The following SPAG16 variants were observed in gnomAD, a reference collection of about 807,000 sequenced individuals.
The protein encoded by SPAG16 is sperm-associated antigen 16 protein.
A neutral mutation model predicts 80.4 loss-of-function variants in SPAG16; 86 were observed. The observed-to-expected ratio is 1.07, with a 90% CI of 0.90 to 1.28. The LOEUF (loss-of-function observed/expected upper bound fraction) is 1.28, where lower values mean the gene tolerates loss of function less well. Among genes scored for constraint, SPAG16 ranks in the 50% most tolerant of loss-of-function variants. The probability of loss-of-function intolerance (pLI) is 0.00; values close to 1 mark genes in which losing one functional copy is unlikely to be tolerated. For missense variants in SPAG16, 870 were observed against 765.3 expected, an observed-to-expected ratio of 1.14 and a Z score of -1.61; for synonymous variants, 294 against 265.9, an observed-to-expected ratio of 1.11 and a Z score of -1.03.
chr2:213,442,752 AT>A (rs2071049952), intron 9 of SPAG16, among the ~76,000 whole-genome samples: 1 of 152,228 alleles, frequency 6.6e-6, no homozygotes, highest in African/African-American at 2.4e-5. Context: ...TTATATCTTT[AT>A]AAAAATGAGC....
chr2:213,890,226 T>C (rs1168046364), intron 11 of SPAG16, among the ~76,000 whole-genome samples: 1 of 152,062 alleles, frequency 6.6e-6, no homozygotes, highest in Non-Finnish European at 1.5e-5. Context: ...TTGGTAAATA[T>C]CCAGAGACTG....
At chr2:213,590,447 A>G (rs1284540953) in intron 10 of SPAG16, among the ~76,000 whole-genome samples, 1 of 129,842 alleles carries the variant, frequency 7.7e-6, no homozygotes, top group Non-Finnish European at 1.7e-5. Context: ...AAACAACAAG[A>G]AAAAAAAAAA....
At chr2:214,116,496 G>A (rs369202120) in intron 14 of SPAG16, among the ~76,000 whole-genome samples, 180 of 152,284 alleles carry the variant, frequency 1.2e-3, no homozygotes, top group Non-Finnish European at 1.7e-3. Flanking sequence ...GCACACTCAC[G>A]TGGGCCAGTG....
intron 15 of SPAG16, among the ~76,000 whole-genome samples, chr2:214,169,070 A>G (rs945774418): frequency 5.9e-5 from 9 of 152,110 alleles, no homozygotes; most frequent in African/African-American, 2.2e-4. Context: ...CAGAAACACC[A>G]TCTTTCTTTT....
intron 10 of SPAG16, among the ~76,000 whole-genome samples, chr2:213,557,188 G>A (rs986345466): frequency 6.6e-6 from 1 of 152,040 alleles, no homozygotes; most frequent in Non-Finnish European, 1.5e-5. Flanking sequence ...TCTGAAATCT[G>A]CCAGCTAATG....
chr2:213,990,990 C>T (rs2046250535), intron 12 of SPAG16, among the ~76,000 whole-genome samples: 1 of 152,022 alleles, frequency 6.6e-6, no homozygotes, highest in Non-Finnish European at 1.5e-5. Flanking sequence ...TTCTCCAAAT[C>T]CACTTATTTT....
intron 10 of SPAG16, among the ~76,000 whole-genome samples, chr2:213,582,959 A>G (rs1369670814): frequency 2.0e-5 from 3 of 152,188 alleles, no homozygotes; most frequent in East Asian, 3.8e-4. Flanking sequence ...CACAAATGTA[A>G]AAATGAAAGA....
chr2:214,177,877 T>C (rs1348655267), intron 15 of SPAG16, among the ~76,000 whole-genome samples: 4 of 122,934 alleles, frequency 3.3e-5, no homozygotes, highest in African/African-American at 1.3e-4. Context: ...AATTTTAAGT[T>C]AAAAAAGCAG....
chr2:214,164,002 G>A (rs948145781), intron 15 of SPAG16, among the ~76,000 whole-genome samples: 16 of 152,014 alleles, frequency 1.1e-4, no homozygotes, highest in South Asian at 4.2e-4. Context: ...ACCAAATACC[G>A]GGTACCATAT....
chr2:214,190,238 G>T (rs909967863), intron 15 of SPAG16, among the ~76,000 whole-genome samples: 1 of 150,414 alleles, frequency 6.6e-6, no homozygotes, highest in Admixed American at 6.6e-5. Flanking sequence ...TGGAGTGAAA[G>T]GTAGTTGACT....
intron 10 of SPAG16, among the ~76,000 whole-genome samples, chr2:213,757,177 T>TACAAAC (rs1372746386): frequency 2.0e-5 from 3 of 152,192 alleles, no homozygotes; most frequent in Admixed American, 2.0e-4. Context: ...ACTAAAGACT[T>TACAAAC]GTTCTCTGAA....
intron 9 of SPAG16, among the ~76,000 whole-genome samples, chr2:213,390,868 C>T (rs1001715597): frequency 1.3e-5 from 2 of 152,058 alleles, no homozygotes; most frequent in African/African-American, 4.8e-5. Flanking sequence ...GTTTATACTA[C>T]CAATATAGCT....
chr2:214,260,400 G>A (rs1045969447), intron 15 of SPAG16, among the ~76,000 whole-genome samples: 3 of 151,744 alleles, frequency 2.0e-5, no homozygotes, highest in Admixed American at 2.0e-4. Context: ...CCACCTGGTA[G>A]GAGAAGGTAA....
chr2:213,870,479 A>G (rs1019670752), intron 11 of SPAG16, among the ~76,000 whole-genome samples: 4 of 152,236 alleles, frequency 2.6e-5, no homozygotes, highest in African/African-American at 9.6e-5. Context: ...ACGAAGTGGC[A>G]GAATCTGGTT....
intron 10 of SPAG16, among the ~76,000 whole-genome samples, chr2:213,495,261 C>T (rs770698269): frequency 9.2e-5 from 14 of 152,154 alleles, no homozygotes; most frequent in Non-Finnish European, 1.9e-4. Flanking sequence ...CAGACCTAAC[C>T]CCTAAGACTT....
chr2:214,206,504 C>T (rs2058148903), intron 15 of SPAG16, among the ~76,000 whole-genome samples: 1 of 152,172 alleles, frequency 6.6e-6, no homozygotes, highest in Non-Finnish European at 1.5e-5. Flanking sequence ...ATACATGCCA[C>T]ATTATCTGTT....
chr2:214,271,077 C>T (rs1234395101), intron 15 of SPAG16, among the ~76,000 whole-genome samples: 1 of 152,094 alleles, frequency 6.6e-6, no homozygotes, highest in Admixed American at 6.5e-5. Flanking sequence ...TTAATTTAAG[C>T]AGTAAATTAA....
At chr2:213,694,050 A>C (rs1025812691) in intron 10 of SPAG16, among the ~76,000 whole-genome samples, 1 of 151,938 alleles carries the variant, frequency 6.6e-6, no homozygotes, top group Non-Finnish European at 1.5e-5. Flanking sequence ...GACAAAAAAA[A>C]AAAAGAAAAA....
At chr2:213,306,469 G>A (rs1248242008) in intron 3 of SPAG16, among the ~76,000 whole-genome samples, 2 of 44,604 alleles carry the variant, frequency 4.5e-5, no homozygotes, top group Admixed American at 4.6e-4. Flanking sequence ...ATCTCACTAA[G>A]TCATGTGCTC....
Sources: allele counts gnomAD v4.1 joint callset (sites outside exome capture counted in the v4.1 genomes callset), GRCh38; gene constraint gnomAD v4.1.1; transcripts MANE v1.5; gene names NCBI Gene and HGNC (gene_info 2026-07-23, HGNC 2026-07-21).